The following TENM3 variants were observed in gnomAD, a reference collection of about 807,000 sequenced individuals.
TENM3 encodes teneurin-3.
TENM3 carries 63 observed loss-of-function variants against 255.1 expected under a neutral mutation model. The ratio of observed to expected loss-of-function variants is 0.25; its 90% CI spans 0.20 to 0.30. The LOEUF is 0.30. TENM3 is among the 10% of genes least tolerant of loss of function. The pLI, the probability that TENM3 is intolerant of heterozygous loss-of-function variation, is 1.00. For synonymous variants in TENM3, 1,306 were observed against 1,322.3 expected, an observed-to-expected ratio of 0.99 and a Z score of 0.27; for missense variants, 2,929 against 3,461.1, an observed-to-expected ratio of 0.85 and a Z score of 3.86.
At chr4:182,288,489 C>T (rs1561284075) in intron 1 of TENM3, among the ~76,000 whole-genome samples, 1 of 152,160 alleles carries the variant, frequency 6.6e-6, no homozygotes, top group African/African-American at 2.4e-5. Flanking sequence ...CTATCTTGTT[C>T]CTCACTCTAC....
the TENM3 span, among the ~76,000 whole-genome samples, chr4:181,551,295 A>C: frequency 6.8e-6 from 1 of 147,730 alleles, no homozygotes; most frequent in East Asian, 2.0e-4. Context: ...CCTGAGAATG[A>C]GGATTTCTTT....
chr4:182,045,551 G>A, the TENM3 span, among the ~76,000 whole-genome samples: 5 of 152,038 alleles, frequency 3.3e-5, no homozygotes, highest in Non-Finnish European at 5.9e-5. Context: ...GTTGAATCGC[G>A]ATTTACTCTA....
chr4:182,246,646 C>T (rs923976170), intron 1 of TENM3, among the ~76,000 whole-genome samples: 1 of 152,168 alleles, frequency 6.6e-6, no homozygotes, highest in Admixed American at 6.5e-5. Context: ...TGACCTTAAA[C>T]AAATGGGCTA....
At chr4:181,490,246 C>T in the TENM3 span, among the ~76,000 whole-genome samples, 1 of 152,146 alleles carries the variant, frequency 6.6e-6, no homozygotes, top group Non-Finnish European at 1.5e-5. Flanking sequence ...TGCAACTGAA[C>T]ATAACCTATT....
intron 3 of TENM3, among the ~76,000 whole-genome samples, chr4:182,522,506 A>G (rs1738684685): frequency 6.6e-6 from 1 of 152,194 alleles, no homozygotes; most frequent in Non-Finnish European, 1.5e-5. Context: ...GTTGTTGCAA[A>G]TGACAGGATT....
At chr4:182,435,955 A>C (rs908125018) in intron 3 of TENM3, among the ~76,000 whole-genome samples, 3 of 152,112 alleles carry the variant, frequency 2.0e-5, no homozygotes, top group Non-Finnish European at 4.4e-5. Flanking sequence ...AAAAAAAGAA[A>C]TGGCATATTA....
At chr4:181,850,413 C>T in the TENM3 span, among the ~76,000 whole-genome samples, 1 of 151,876 alleles carries the variant, frequency 6.6e-6, no homozygotes, top group Non-Finnish European at 1.5e-5. Flanking sequence ...TTGGTATTTG[C>T]TTCTTTCATA....
At chr4:182,072,463 G>C in the TENM3 span, among the ~76,000 whole-genome samples, 1 of 152,084 alleles carries the variant, frequency 6.6e-6, no homozygotes, top group Non-Finnish European at 1.5e-5. Flanking sequence ...GTGAACAGCA[G>C]CTCTCTATCC....
the TENM3 span, among the ~76,000 whole-genome samples, chr4:181,787,160 C>A: frequency 6.6e-6 from 1 of 152,256 alleles, no homozygotes; most frequent in South Asian, 2.1e-4. Context: ...CTTGTTCCAC[C>A]CCCTCTGGTT....
At chr4:181,610,290 C>G in the TENM3 span, among the ~76,000 whole-genome samples, 2,924 of 152,174 alleles carry the variant, frequency 0.019, 39 homozygotes, top group East Asian at 0.038. Flanking sequence ...TTCCTAGAAA[C>G]CTAATGTTAT....
chr4:181,747,467 A>G, the TENM3 span, among the ~76,000 whole-genome samples: 1 of 152,080 alleles, frequency 6.6e-6, no homozygotes, highest in African/African-American at 2.4e-5. Flanking sequence ...GCAAAACTTG[A>G]GTACAATATC....
chr4:181,723,317 A>G, the TENM3 span, among the ~76,000 whole-genome samples: 124 of 150,748 alleles, frequency 8.2e-4, no homozygotes, highest in African/African-American at 2.8e-3. Flanking sequence ...TCCATTCGTT[A>G]TCTTCCTTTG....
chr4:182,349,699 T>TA (rs1273284358), intron 3 of TENM3: 1 of 176,904 alleles, frequency 5.7e-6, no homozygotes, highest in East Asian at 1.7e-4. Flanking sequence ...AATTCTAATA[T>TA]AAAGTTAACA....
intron 3 of TENM3, among the ~76,000 whole-genome samples, chr4:182,582,685 G>C (rs902502325): frequency 6.6e-6 from 1 of 152,174 alleles, no homozygotes; most frequent in Admixed American, 6.5e-5. Context: ...GTATTTTTTA[G>C]TGTCAGGGAT....
Position 182,800,082 on chromosome 4 carries a change from A to C in TENM3, c.7831A>C (p.Met2611Leu), listed in dbSNP as rs769083390. The C allele has an allele frequency of 1.3e-6, 2 of 1,599,022 alleles. No individual in the cohort carries two copies. Among genetic ancestry groups the C allele is most frequent in the Admixed American group, 1.7e-5 (1 of 58,602 alleles). ...GCTGGCGCTGCACGTGCGCTACGGC[A>C]TGACCCTGGACGAGGAGAAGGCGCG... ...GALALHVRYG[M>L]TLDEEKARIL... The change falls in exon 28 of 28, where the codon ATG becomes CTG. Residue 2611 changes from methionine (M) to leucine (L), a missense_variant. Physicochemically the swap from Met to Leu is conservative, Grantham distance 15. This residue lies in a region of TENM3 where 476 missense variants were observed against 480.1 expected (regional missense o/e 0.99). Coordinates refer to ENST00000511685, the MANE Select transcript of TENM3 (RefSeq NM_001080477.4).
chr4:182,326,311 G>A (rs1228407589), intron 2 of TENM3, among the ~76,000 whole-genome samples: 1 of 152,132 alleles, frequency 6.6e-6, no homozygotes, highest in Non-Finnish European at 1.5e-5. Context: ...CCCCTGGTGA[G>A]GTGGGTCCCG....
chr4:182,007,736 A>G, the TENM3 span, among the ~76,000 whole-genome samples: 1 of 152,016 alleles, frequency 6.6e-6, no homozygotes, highest in African/African-American at 2.4e-5. Context: ...TAAGGTTAGT[A>G]TTGTTATTTG....
chr4:182,006,903 G>C, the TENM3 span, among the ~76,000 whole-genome samples: 1 of 152,098 alleles, frequency 6.6e-6, no homozygotes, highest in African/African-American at 2.4e-5. Context: ...CTTTAGCTGT[G>C]TCCCAGAGAT....
intron 1 of TENM3, among the ~76,000 whole-genome samples, chr4:182,244,827 A>T (rs1364772321): frequency 6.6e-6 from 1 of 152,220 alleles, no homozygotes; most frequent in African/African-American, 2.4e-5. Flanking sequence ...TTTACTTCTT[A>T]CATTAATAGA....
Sources: gnomAD v4.1 joint callset for allele counts (sites outside exome capture counted in the v4.1 genomes callset) on GRCh38, gnomAD v4.1.1 for gene constraint, gnomAD v4.1.1 regional missense constraint, MANE v1.5 for transcripts, NCBI Gene and HGNC (gene_info 2026-07-23, HGNC 2026-07-21) for gene names.